MPDZ: variants seen among roughly 807,000 people sequenced by gnomAD.
The protein encoded by MPDZ is multiple PDZ domain crumbs cell polarity complex component, also known as multiple PDZ domain protein.
In MPDZ, 234 loss-of-function variants were observed where a neutral mutation model predicts 239.1. That is an observed-to-expected ratio of 0.98 (90% CI 0.88 to 1.09). The LOEUF is 1.09. Among genes scored for constraint, MPDZ ranks in the 50% least tolerant of loss-of-function variants. The probability of loss-of-function intolerance (pLI) is 0.00; values close to 1 mark genes in which losing one functional copy is unlikely to be tolerated. For synonymous variants in MPDZ, 1,048 were observed against 881.3 expected, an observed-to-expected ratio of 1.19 and a Z score of -3.35; for missense variants, 3,175 against 2,510.0, an observed-to-expected ratio of 1.26 and a Z score of -5.66.
At chr9:13,235,323 A>G (rs1963658292) in intron 3 of MPDZ, among the ~76,000 whole-genome samples, 1 of 152,168 alleles carries the variant, frequency 6.6e-6, no homozygotes, top group Non-Finnish European at 1.5e-5. Flanking sequence ...GGAAAACAAT[A>G]TTTTCAAATA....
At chr9:13,263,440 T>C (rs1014721466) in intron 1 of MPDZ, among the ~76,000 whole-genome samples, 1 of 151,972 alleles carries the variant, frequency 6.6e-6, no homozygotes, top group Non-Finnish European at 1.5e-5. Context: ...AATACTAACT[T>C]ATTCGGGAAA....
chr9:13,200,190 T>C (rs368771209), intron 12 of MPDZ, among the ~76,000 whole-genome samples: 9 of 152,166 alleles, frequency 5.9e-5, no homozygotes, highest in Admixed American at 3.3e-4. Context: ...ACTGTAAGTG[T>C]CCAGGAATTT....
At chr9:13,147,520 G>C (rs778855276) in intron 26 of MPDZ, 28 bp downstream of exon 26, 196 of 1,528,986 alleles carry the variant, frequency 1.3e-4, no homozygotes, top group Non-Finnish European at 1.6e-5. Context: ...GTTTGGATAT[G>C]CCTACCTTGC....
intron 31 of MPDZ, 61 bp downstream of exon 31, chr9:13,136,031 G>A: frequency 8.9e-7 from 1 of 1,118,710 alleles, no homozygotes; most frequent in Non-Finnish European, 1.3e-6. Flanking sequence ...ATTGTTGATT[G>A]AATTAATAAG....
chr9:13,245,119 C>T (rs1966299242), intron 3 of MPDZ, among the ~76,000 whole-genome samples: 1 of 151,796 alleles, frequency 6.6e-6, no homozygotes, highest in Non-Finnish European at 1.5e-5. Context: ...TTCCTGAATT[C>T]ATTAATTATT....
chr9:13,119,870 C>A, intron 38 of MPDZ: 1 of 551,284 alleles, frequency 1.8e-6, no homozygotes. Context: ...CTCCAATAAG[C>A]ATATTTATTC....
chr9:13,267,719 A>G (rs2139092104), intron 1 of MPDZ, among the ~76,000 whole-genome samples: 1 of 152,336 alleles, frequency 6.6e-6, no homozygotes, highest in South Asian at 2.1e-4. Flanking sequence ...GGAAAGGAAG[A>G]AGAAATAATT....
Position 13,176,524 on chromosome 9 carries a change from A to G in MPDZ, c.2650-107T>C, listed in dbSNP as rs908198732. The G allele has an allele frequency of 4.2e-6, 4 of 949,244 alleles. No individual in the cohort carries two copies. In the African/African-American group the frequency reaches 5.0e-5, roughly 12 times the overall value. 58.8% of individuals were successfully genotyped at this position (949,244 alleles called of 1,614,324 possible). A position where few individuals can be genotyped will look rare whatever the true frequency, so the allele number is the denominator to read the frequency against. ...ACAACTATTTAGTGAAATGTAAAAC[A>G]TAACAATTATTTATTACTCAAAAAG... On this transcript the variant is annotated intron_variant, in intron 19 of 46. Transcript: ENST00000319217.
intron 29 of MPDZ, among the ~76,000 whole-genome samples, chr9:13,137,305 GCAAATGAC>G (rs1946971781): frequency 6.6e-6 from 1 of 152,132 alleles, no homozygotes; most frequent in African/African-American, 2.4e-5. Context: ...AGTGCCTAAC[GCAAATGAC>G]TGGCTCAGTC....
chr9:13,131,453 A>T (rs555669486), intron 32 of MPDZ, among the ~76,000 whole-genome samples: 2 of 152,342 alleles, frequency 1.3e-5, no homozygotes, highest in African/African-American at 4.8e-5. Context: ...AGTGAGACCC[A>T]GACAAGTTAA....
intron 25 of MPDZ, 46 bp from the exon 26 acceptor site, chr9:13,147,704 A>G: frequency 6.8e-7 from 1 of 1,461,076 alleles, no homozygotes; most frequent in South Asian, 1.2e-5. Flanking sequence ...TCTATAGAAC[A>G]ACAAAAAAAT....
rs1340328901 is a variant in MPDZ at position 13,126,594 on chromosome 9, A to G, written c.4558-4T>C. Reference sequence around the variant, plus strand: ...CTCCGACTTTGAGTCGTCCATCCTAAATGGAAACGTAGAAGAATTTGAGTG... The same window carrying G: ...CTCCGACTTTGAGTCGTCCATCCTAGATGGAAACGTAGAAGAATTTGAGTG... On this transcript the variant is annotated splice_polypyrimidine_tract_variant and splice_region_variant and intron_variant, in intron 33 of 46. Transcript: ENST00000319217. 1.2e-6 allele frequency: 2 copies of G among 1,606,386 alleles called. No individual in the cohort carries two copies. Among genetic ancestry groups the G allele is most frequent in the African/African-American group, 2.7e-5 (2 of 74,786 alleles).
intron 20 of MPDZ, 44 bp from the exon 21 acceptor site, chr9:13,175,919 A>G: frequency 3.2e-6 from 5 of 1,554,036 alleles, no homozygotes; most frequent in Non-Finnish European, 4.3e-6. Flanking sequence ...GGAAAGGGAA[A>G]CTAGACTTTG....
chr9:13,209,284 G>T (rs2135815191), intron 10 of MPDZ, among the ~76,000 whole-genome samples: 1 of 152,232 alleles, frequency 6.6e-6, no homozygotes, highest in Admixed American at 6.5e-5. Flanking sequence ...ACACATGTGT[G>T]CATACAAGCA....
intron 14 of MPDZ, among the ~76,000 whole-genome samples, chr9:13,192,563 G>A (rs10960967): frequency 6.6e-6 from 1 of 151,726 alleles, no homozygotes; most frequent in Non-Finnish European, 1.5e-5. Flanking sequence ...GGAAAAAAGA[G>A]ACAATAAAAA....
chr9:13,110,560 T>G (rs963900036), intron 44 of MPDZ, 76 bp downstream of exon 44: 4 of 953,196 alleles, frequency 4.2e-6, no homozygotes, highest in Non-Finnish European at 6.6e-6. Context: ...TTAATCATTT[T>G]TACTGCTTTA....
At chr9:13,265,340 C>A (rs1022317099) in intron 1 of MPDZ, among the ~76,000 whole-genome samples, 4 of 152,160 alleles carry the variant, frequency 2.6e-5, no homozygotes, top group Non-Finnish European at 5.9e-5. Flanking sequence ...GACGCTGAGG[C>A]GGTCAGATCA....
intron 22 of MPDZ, among the ~76,000 whole-genome samples, chr9:13,163,932 G>C (rs532413921): frequency 6.6e-6 from 1 of 152,276 alleles, no homozygotes; most frequent in African/African-American, 2.4e-5. Flanking sequence ...GAGGTCACTT[G>C]GGTTTGGAGT....
In MPDZ at chr9:13,219,728, C is replaced by G; in HGVS notation, c.917G>C (p.Gly306Ala). Reference sequence around the variant, plus strand: ...GCTCATTCCTGCTAGATCTGTGTCACCAATCTTTAGAATGTGGTCTCCACT... The same window carrying G: ...GCTCATTCCTGCTAGATCTGTGTCAGCAATCTTTAGAATGTGGTCTCCACT... ...LCSGDHILKI[G>A]DTDLAGMSSE... Residue 306 changes from glycine (G) to alanine (A), a missense_variant, in exon 8 of 47, where the codon GGT becomes GCT. Physicochemically the swap from Gly to Ala is moderately conservative, Grantham distance 60. Transcript: ENST00000319217. The G allele has an allele frequency of 6.2e-7, 1 of 1,612,622 alleles. No individual in the cohort carries two copies. The highest frequency in any genetic ancestry group is 8.5e-7 in the Non-Finnish European group (1 of 1,179,160).
Sources: gnomAD v4.1 joint callset for allele counts (sites outside exome capture counted in the v4.1 genomes callset) on GRCh38, gnomAD v4.1.1 for gene constraint, MANE v1.5 for transcripts, NCBI Gene and HGNC (gene_info 2026-07-23, HGNC 2026-07-21) for gene names.